The following TTN variants were observed in gnomAD, a reference collection of about 807,000 sequenced individuals.
TTN encodes titin.
TTN carries 1,525 observed loss-of-function variants against 3,223.0 expected under a neutral mutation model. The ratio of observed to expected loss-of-function variants is 0.47; its 90% CI spans 0.45 to 0.49. The LOEUF (loss-of-function observed/expected upper bound fraction) is 0.49, where lower values mean the gene tolerates loss of function less well. Ranked by LOEUF, TTN falls within the 20% of genes least tolerant of loss-of-function variation. The pLI is 0.00. For missense variants in TTN, 40,786 were observed against 43,424.0 expected, an observed-to-expected ratio of 0.94 and a Z score of 5.40; for synonymous variants, 14,094 against 15,161.0, an observed-to-expected ratio of 0.93 and a Z score of 5.17.
At position 178,578,963 on chromosome 2, in the gene TTN, G is replaced by A. The variant is rs777832243; in HGVS notation, c.68067C>T (p.Asn22689=). 13 of 1,613,106 alleles carry A rather than the reference G, an allele frequency of 8.1e-6. No homozygotes were observed. The South Asian group carries it at 1.2e-4, about 15-fold the overall frequency. The change falls in exon 320 of 363, where the codon AAC becomes AAT. Residue 22689 remains asparagine, a synonymous_variant. Transcript: ENST00000589042. ...CAGCTGAGGCGCACGTCACCCACTT[G>A]TTGTTCACAGAATCCCTCTTCTCTA... ...YILEKRDSVN[N]KWVTCASAVQ...
chr2:178,643,124 C>T (rs1187717245), intron 218 of TTN, among the ~76,000 whole-genome samples: 1 of 151,850 alleles, frequency 6.6e-6, no homozygotes, highest in Non-Finnish European at 1.5e-5. Flanking sequence ...AACCATTTTC[C>T]TCTCTACTAA....
chr2:178,779,751 T>C (rs2092598756), intron 22 of TTN: 1 of 541,264 alleles, frequency 1.8e-6, no homozygotes, highest in Non-Finnish European at 3.3e-6. Context: ...GCTGTGCTAA[T>C]ATTGGTGTTT....
At position 178,569,147 on chromosome 2, in the gene TTN, A is replaced by G; in HGVS notation, c.76985T>C (p.Ile25662Thr). The change falls in exon 326 of 363, where the codon ATC (isoleucine) becomes ACC (threonine). Residue 25662 changes from isoleucine (I) to threonine (T), a missense_variant. Physicochemically the swap from Ile to Thr is moderately conservative, Grantham distance 89. Transcript: ENST00000589042. ...ACTGCAACCTTCTTGGAGCTGATCG[A>G]TTTTCCAAGAATTCTTATGGCAGTT... ...VTNCHKNSWKIDQLQEGCSYY... is the reference protein window; with the variant it reads ...VTNCHKNSWKTDQLQEGCSYY... 1 of 1,613,314 alleles carries G rather than the reference A, an allele frequency of 6.2e-7. No individual in the cohort carries two copies. Among genetic ancestry groups the G allele is most frequent in the South Asian group, 1.1e-5 (1 of 91,012 alleles).
chr2:178,688,546 A>G, intron 126 of TTN, 131 bp downstream of exon 126: 2 of 706,304 alleles, frequency 2.8e-6, no homozygotes. Flanking sequence ...AGGTAGACAC[A>G]TTCTAATACC....
intron 99 of TTN, among the ~76,000 whole-genome samples, chr2:178,708,979 G>A (rs749503058): frequency 3.3e-5 from 5 of 152,140 alleles, no homozygotes; most frequent in Non-Finnish European, 4.4e-5. Context: ...TTTCTCAAGC[G>A]ATGATTGTGT....
chr2:178,693,850 A>G, intron 118 of TTN, 72 bp downstream of exon 118: 1 of 1,368,248 alleles, frequency 7.3e-7, no homozygotes, highest in Non-Finnish European at 1.0e-6. Context: ...ATCACAAATT[A>G]GACAACAAGA....
chr2:178,781,006 G>A, intron 21 of TTN, 115 bp downstream of exon 21: 2 of 1,422,702 alleles, frequency 1.4e-6, no homozygotes, highest in Non-Finnish European at 2.0e-6. Context: ...CAAAGACACT[G>A]GGGCAAAGTA....
At position 178,677,335 on chromosome 2, in the gene TTN, CATAT is replaced by C. The variant is rs61060584; in HGVS notation, c.34292-52_34292-49del. 1,337 of 250,112 alleles carry C rather than the reference CATAT, an allele frequency of 5.3e-3. 6 individuals carry two copies. Among genetic ancestry groups the C allele is most frequent in the East Asian group, 9.4e-3 (60 of 6,404 alleles). The allele number at this position is 250,112 out of a possible 1,614,324, so 15.5% of individuals were successfully genotyped here. ...GCATTAAAAACCACATATACATGGT[CATAT>C]ATATATATATATATATATATATGAA... On this transcript the variant is annotated intron_variant, in intron 146 of 362. Coordinates refer to ENST00000589042, the MANE Select transcript of TTN (RefSeq NM_001267550.2).
rs773200867 is a variant in TTN at position 178,567,917 on chromosome 2, C to G, written c.78215G>C (p.Gly26072Ala). ...AGAATTCTTGCTTGCTTTGCCTACACCAACAATATTTTCAGCATACACTCT... is the reference window on the plus strand; with the variant it reads ...AGAATTCTTGCTTGCTTTGCCTACAGCAACAATATTTTCAGCATACACTCT... ...EFRVYAENIVGVGKASKNSEC... is the reference protein window; with the variant it reads ...EFRVYAENIVAVGKASKNSEC... Residue 26072 changes from glycine to alanine, a missense_variant, in exon 326 of 363, where the codon GGT becomes GCT. Transcript: ENST00000589042. 4.3e-6 allele frequency: 7 copies of G among 1,613,426 alleles called. No individual in the cohort carries two copies. The East Asian group carries it at 1.6e-4, about 36-fold the overall frequency.
At position 178,681,135 on chromosome 2, in the gene TTN, A is replaced by G. The variant is rs1328397666; in HGVS notation, c.33284T>C (p.Ile11095Thr). 1.9e-6 allele frequency: 3 copies of G among 1,604,416 alleles called. No individual in the cohort carries two copies. In the Admixed American group the frequency reaches 5.2e-5, roughly 28 times the overall value. The change falls in exon 138 of 363, where the codon ATA (isoleucine) becomes ACA (threonine). Residue 11095 changes from isoleucine (I) to threonine (T), a missense_variant. Physicochemically the swap from Ile to Thr is moderately conservative, Grantham distance 89. Transcript: ENST00000589042. Reference protein sequence around the residue: ...EEPKKVFEEKIRISITKREKE... With the variant: ...EEPKKVFEEKTRISITKREKE... ...TTCACGTTTGGTAATTGAAATACGT[A>G]TTTTTTCCTCAAAAACTTTCTTTGG...
In TTN at chr2:178,570,746, A is replaced by T; in HGVS notation, c.75386T>A (p.Phe25129Tyr). 1 of 1,613,566 alleles carries T rather than the reference A, an allele frequency of 6.2e-7. No homozygotes were observed. Among genetic ancestry groups the T allele is most frequent in the South Asian group, 1.1e-5 (1 of 91,084 alleles). Reference protein sequence around the residue: ...DTIVVHAGESFKVDADIYGKP... With the variant: ...DTIVVHAGESYKVDADIYGKP... The stretch of plus-strand genomic sequence containing the variant: ...GCCATAAATATCTGCATCAACCTTG[A>T]ATGATTCACCAGCATGAACCACGAT... Residue 25129 changes from phenylalanine (F) to tyrosine (Y), a missense_variant, in exon 326 of 363, where the codon TTC becomes TAC. By Grantham distance (22) the Phe-to-Tyr change is conservative (BLOSUM62 3). Transcript: ENST00000589042.
At chr2:178,637,984 A>G (rs567780777) in intron 223 of TTN, among the ~76,000 whole-genome samples, 1 of 152,172 alleles carries the variant, frequency 6.6e-6, no homozygotes, top group East Asian at 1.9e-4. Context: ...TCTGACATTT[A>G]GAGTTTGATT....
rs2049588769 is a variant in TTN at position 178,588,689 on chromosome 2, A to G, written c.63036T>C (p.Pro21012=). The change falls in exon 304 of 363, where the codon CCT becomes CCC. Residue 21012 remains proline (P), a synonymous_variant. Coordinates refer to ENST00000589042, the MANE Select transcript of TTN (RefSeq NM_001267550.2). ...KKEKHSTRWV[P]VNKSAIPERR... ...TCTCAGGGATTGCACTCTTGTTGAC[A>G]GGGACCCATCGTGTTGAATGCTTTT... 1 of 1,613,266 alleles carries G rather than the reference A, an allele frequency of 6.2e-7. No individual in the cohort carries two copies. The highest frequency in any genetic ancestry group is 8.5e-7 in the Non-Finnish European group (1 of 1,179,478).
At chr2:178,758,905 A>G (rs1250301795) in intron 44 of TTN, 79 bp downstream of exon 44, 19 of 1,376,116 alleles carry the variant, frequency 1.4e-5, no homozygotes, top group Non-Finnish European at 2.0e-5. Context: ...GATTTACATG[A>G]ACTCTTGAGT....
In TTN at chr2:178,533,147, T is replaced by G; in HGVS notation, c.103468A>C (p.Thr34490Pro). ...ACCTGTGTCAGTGGTACACTTTCAG[T>G]TCCAGAAAGAATTTCAGCCATTCTG... ...TLRMAEILSG[T>P]ESVPLTQVAK... is the part of the protein sequence containing the mutation. Residue 34490 changes from threonine (T) to proline (P), a missense_variant, in exon 358 of 363, where the codon ACT becomes CCT. Thr to Pro is a conservative substitution (Grantham distance 38). Coordinates refer to ENST00000589042, the MANE Select transcript of TTN (RefSeq NM_001267550.2). 2 of 1,613,984 alleles carry G rather than the reference T, an allele frequency of 1.2e-6. No homozygotes were observed. The highest frequency in any genetic ancestry group is 1.7e-6 in the Non-Finnish European group (2 of 1,179,864).
Position 178,599,676 on chromosome 2 carries a change from A to G in TTN, c.56225T>C (p.Val18742Ala). 6.2e-7 allele frequency: 1 copy of G among 1,612,984 alleles called. No individual in the cohort carries two copies. The highest frequency in any genetic ancestry group is 8.5e-7 in the Non-Finnish European group (1 of 1,179,364). Residue 18742 changes from valine to alanine, a missense_variant, in exon 289 of 363, where the codon GTG (valine) becomes GCG (alanine). Val to Ala is a moderately conservative substitution (Grantham distance 64). Transcript: ENST00000589042. ...AACTAAAGTGCAAGTATCATCTACCACCAGTTTGTTGACATGGGTGTCATA... is the reference window on the plus strand; with the variant it reads ...AACTAAAGTGCAAGTATCATCTACCGCCAGTTTGTTGACATGGGTGTCATA... ...VLYDTHVNKL[V>A]VDDTCTLVIP...
Position 178,592,187 on chromosome 2 carries a change from C to T in TTN, c.59717G>A (p.Gly19906Asp). 1 of 1,612,414 alleles carries T rather than the reference C, an allele frequency of 6.2e-7. No homozygotes were observed. Among genetic ancestry groups the T allele is most frequent in the Non-Finnish European group, 8.5e-7 (1 of 1,179,274 alleles). ...LTWKEPLDDGGSVITNYVVER... is the reference protein window; with the variant it reads ...LTWKEPLDDGDSVITNYVVER... The stretch of plus-strand genomic sequence containing the variant: ...AACCACATAATTGGTAATAACAGAA[C>T]CACCATCATCCAGTGGTTCTTTCCA... Residue 19906 changes from glycine to aspartate, a missense_variant, in exon 302 of 363, where the codon GGT (glycine) becomes GAT (aspartate). Transcript: ENST00000589042.
At position 178,591,199 on chromosome 2, in the gene TTN, T is replaced by C; in HGVS notation, c.60526A>G (p.Thr20176Ala). ...LTVLDVPGPP[T>A]GPINILDVTP... ...ACATCCAGAATATTAATAGGACCTG[T>C]TGGTGGCCCAGGAACATCAAGAACA... is the stretch of plus-strand genomic sequence containing the variant. The change falls in exon 304 of 363, where the codon ACA (threonine) becomes GCA (alanine). Residue 20176 changes from threonine to alanine, a missense_variant. Coordinates refer to ENST00000589042, the MANE Select transcript of TTN (RefSeq NM_001267550.2). 6.2e-7 allele frequency: 1 copy of C among 1,613,486 alleles called. No individual in the cohort carries two copies. Among genetic ancestry groups the C allele is most frequent in the Non-Finnish European group, 8.5e-7 (1 of 1,179,580 alleles).
At chr2:178,752,108 G>T (rs930591512) in intron 47 of TTN, 12 of 1,397,632 alleles carry the variant, frequency 8.6e-6, no homozygotes, top group Non-Finnish European at 1.2e-5. Context: ...AAATAAAATT[G>T]CAAAATAGGA....
Sources: allele counts gnomAD v4.1 joint callset (sites outside exome capture counted in the v4.1 genomes callset), GRCh38; gene constraint gnomAD v4.1.1; transcripts MANE v1.5; gene names NCBI Gene and HGNC (gene_info 2026-07-23, HGNC 2026-07-21).